The following CFAP58 variants were observed in gnomAD, a reference collection of about 807,000 sequenced individuals.
CFAP58 encodes cilia- and flagella-associated protein 58.
In CFAP58, 88 loss-of-function variants were observed where a neutral mutation model predicts 119.5. The ratio of observed to expected loss-of-function variants is 0.74; its 90% CI spans 0.62 to 0.88. The LOEUF is 0.88. Among genes scored for constraint, CFAP58 ranks in the 40% least tolerant of loss-of-function variants. The pLI is 0.00. For synonymous variants in CFAP58, 365 were observed against 366.3 expected (o/e 1.00, Z 0.04); for missense variants, 990 against 1,021.2 (o/e 0.97, Z 0.42).
chr10:104,433,350 A>C (rs2012880750), intron 15 of CFAP58, among the ~76,000 whole-genome samples: 1 of 152,210 alleles, frequency 6.6e-6, no homozygotes, highest in African/African-American at 2.4e-5. Context: ...AGCCTCCCAG[A>C]GCACCGGCAT....
intron 10 of CFAP58, among the ~76,000 whole-genome samples, chr10:104,393,079 T>G (rs2012081113): frequency 6.6e-6 from 1 of 152,206 alleles, no homozygotes; most frequent in African/African-American, 2.4e-5. Context: ...AAAGGAGGAA[T>G]AAGGTGTGTG....
At chr10:104,359,512 C>T (rs1357045396) in intron 2 of CFAP58, among the ~76,000 whole-genome samples, 1 of 152,138 alleles carries the variant, frequency 6.6e-6, no homozygotes, top group African/African-American at 2.4e-5. Context: ...AATTTAAAAA[C>T]TGATAAAGGG....
At chr10:104,375,166 G>A (rs2014875392) in intron 7 of CFAP58, among the ~76,000 whole-genome samples, 1 of 150,846 alleles carries the variant, frequency 6.6e-6, no homozygotes, top group African/African-American at 2.4e-5. Context: ...TCTCTATACA[G>A]AATATAGTGT....
At chr10:104,427,181 G>T (rs1418127635) in intron 15 of CFAP58, among the ~76,000 whole-genome samples, 1 of 152,134 alleles carries the variant, frequency 6.6e-6, no homozygotes, top group Non-Finnish European at 1.5e-5. Flanking sequence ...TGGTCTAATT[G>T]ACAGTCATTA....
chr10:104,365,011 C>A, intron 4 of CFAP58, 122 bp downstream of exon 4: 1 of 890,086 alleles, frequency 1.1e-6, no homozygotes. Context: ...ATGAAACATC[C>A]TCAGTTCTGC....
chr10:104,389,705 C>A (rs145975468), intron 9 of CFAP58, among the ~76,000 whole-genome samples: 1 of 152,080 alleles, frequency 6.6e-6, no homozygotes, highest in African/African-American at 2.4e-5. Context: ...TTCTATCATG[C>A]GTGCTTTTAC....
chr10:104,374,204 A>C (rs1429342495), intron 7 of CFAP58, among the ~76,000 whole-genome samples: 2 of 152,112 alleles, frequency 1.3e-5, no homozygotes, highest in African/African-American at 4.8e-5. Flanking sequence ...TCACGCCTAT[A>C]ATCCCAGCAC....
At position 104,447,871 on chromosome 10, in the gene CFAP58, G is replaced by A. The variant is rs1346192996; in HGVS notation, c.2376+54G>A. On this transcript the variant is annotated intron_variant, in intron 16 of 17. Coordinates refer to ENST00000369704, the MANE Select transcript of CFAP58 (RefSeq NM_001008723.2). Reference sequence around the variant, plus strand: ...TTCCAGGGCAGCCACACTCTGGGGAGCACACCTGGACAAGTCCACTGACTC... The same window carrying A: ...TTCCAGGGCAGCCACACTCTGGGGAACACACCTGGACAAGTCCACTGACTC... 3.9e-6 allele frequency: 6 copies of A among 1,533,500 alleles called. No homozygotes were observed. The African/African-American group carries it at 8.2e-5, about 21-fold the overall frequency. The allele number at this position is 1,533,500 out of a possible 1,614,324, so 95.0% of individuals were successfully genotyped here.
intron 16 of CFAP58, among the ~76,000 whole-genome samples, chr10:104,448,089 C>T (rs1158863725): frequency 8.5e-5 from 13 of 152,118 alleles, no homozygotes; most frequent in African/African-American, 1.9e-4. Flanking sequence ...TGGAGATGTG[C>T]GGACAGGGTT....
chr10:104,356,101 C>T (rs2014539254), intron 1 of CFAP58, among the ~76,000 whole-genome samples: 2 of 152,230 alleles, frequency 1.3e-5, no homozygotes, highest in African/African-American at 4.8e-5. Flanking sequence ...GGAATTACTA[C>T]ATTGTGGTCT....
chr10:104,448,726 T>C (rs904389801), intron 16 of CFAP58, among the ~76,000 whole-genome samples: 2 of 152,280 alleles, frequency 1.3e-5, no homozygotes, highest in Non-Finnish European at 2.9e-5. Flanking sequence ...AATTAGAGCA[T>C]TAATTTTCAA....
intron 10 of CFAP58, among the ~76,000 whole-genome samples, chr10:104,392,672 A>T (rs1322774054): frequency 2.2e-5 from 3 of 133,734 alleles, no homozygotes; most frequent in African/African-American, 8.7e-5. Context: ...ATGGAGTCTC[A>T]CTCTGTCACC....
intron 15 of CFAP58, among the ~76,000 whole-genome samples, chr10:104,435,098 G>A (rs889883586): frequency 1.3e-5 from 2 of 152,244 alleles, no homozygotes; most frequent in African/African-American, 4.8e-5. Context: ...TGCCAGAGTA[G>A]CACTGTGCCT....
upstream of CFAP58, among the ~76,000 whole-genome samples, chr10:104,349,703 C>G (rs1389809849): frequency 6.6e-6 from 1 of 152,156 alleles, no homozygotes. Context: ...TATTAAGCAA[C>G]TATTTACATG....
intron 14 of CFAP58, among the ~76,000 whole-genome samples, chr10:104,405,311 T>TTTACTAACCCAA (rs2012340927): frequency 6.6e-6 from 1 of 152,210 alleles, no homozygotes; most frequent in Non-Finnish European, 1.5e-5. Context: ...CCAAGAGTGG[T>TTTACTAACCCAA]GTAGTTTACT....
chr10:104,438,673 C>A (rs976074949), intron 15 of CFAP58, among the ~76,000 whole-genome samples: 5 of 152,138 alleles, frequency 3.3e-5, no homozygotes, highest in African/African-American at 1.2e-4. Flanking sequence ...CCGCGCCCGG[C>A]CCATCAATGG....
the CFAP58 span, among the ~76,000 whole-genome samples, chr10:104,338,907 G>GTTT: frequency 4.1e-4 from 57 of 140,592 alleles, 1 homozygote; most frequent in African/African-American, 1.2e-3. Context: ...GCTTACTACC[G>GTTT]TTTTTTTTTT....
chr10:104,438,181 T>G (rs1005160924), intron 15 of CFAP58, among the ~76,000 whole-genome samples: 2 of 152,160 alleles, frequency 1.3e-5, no homozygotes, highest in Admixed American at 1.3e-4. Flanking sequence ...CAAATGACCA[T>G]GAATTTCACA....
chr10:104,347,262 T>C, the CFAP58 span, among the ~76,000 whole-genome samples: 6 of 152,224 alleles, frequency 3.9e-5, no homozygotes, highest in East Asian at 9.6e-4. Flanking sequence ...TAAATCTGCC[T>C]GAGCTTCGGT....
Sources: allele counts gnomAD v4.1 joint callset (sites outside exome capture counted in the v4.1 genomes callset), GRCh38; gene constraint gnomAD v4.1.1; transcripts MANE v1.5; gene names NCBI Gene and HGNC (gene_info 2026-07-23, HGNC 2026-07-21).